AGBL4: variants seen among roughly 807,000 people sequenced by gnomAD.
The protein encoded by AGBL4 is cytosolic carboxypeptidase 6.
Under a neutral mutation model 66.4 loss-of-function variants are expected in AGBL4, and 58 were observed. That is an observed-to-expected ratio of 0.87 (90% CI 0.71 to 1.09). The LOEUF (loss-of-function observed/expected upper bound fraction) is 1.09. AGBL4 is among the 50% of genes least tolerant of loss of function. The probability of loss-of-function intolerance (pLI) is 0.00; values close to 1 mark genes in which losing one functional copy is unlikely to be tolerated. For synonymous variants in AGBL4, 234 were observed against 222.9 expected (o/e 1.05, Z -0.44); for missense variants, 579 against 631.0 (o/e 0.92, Z 0.88).
intron 5 of AGBL4, among the ~76,000 whole-genome samples, chr1:48,886,223 C>T (rs1019846109): frequency 1.3e-4 from 20 of 152,168 alleles, no homozygotes; most frequent in African/African-American, 3.9e-4. Context: ...ATTCTAAAGG[C>T]AGGGTCTTTC....
intron 5 of AGBL4, among the ~76,000 whole-genome samples, chr1:48,933,503 C>A (rs1166291786): frequency 6.6e-6 from 1 of 152,154 alleles, no homozygotes. Context: ...CTTGTGGAAA[C>A]ACATGGAATA....
chr1:49,868,537 G>C (rs1646762106), intron 1 of AGBL4, among the ~76,000 whole-genome samples: 1 of 152,166 alleles, frequency 6.6e-6, no homozygotes. Context: ...AATGGTGCTA[G>C]TAAAACTGGC....
chr1:48,597,809 AAG>A (rs150961154), intron 9 of AGBL4, among the ~76,000 whole-genome samples: 2,483 of 146,144 alleles, frequency 0.017, 20 homozygotes, highest in Middle Eastern at 0.042. Flanking sequence ...AAGAGAAAGA[AAG>A]AGAGAGAAAG....
At chr1:49,331,210 T>C (rs1047431470) in intron 3 of AGBL4, among the ~76,000 whole-genome samples, 14 of 151,944 alleles carry the variant, frequency 9.2e-5, no homozygotes, top group African/African-American at 3.1e-4. Flanking sequence ...GAAAGGTAAC[T>C]GCAACTCAGG....
intron 5 of AGBL4, among the ~76,000 whole-genome samples, chr1:48,943,692 G>C (rs1656207842): frequency 6.6e-6 from 1 of 152,136 alleles, no homozygotes; most frequent in African/African-American, 2.4e-5. Context: ...ATACAAGTAG[G>C]CAGCACCATG....
intron 4 of AGBL4, among the ~76,000 whole-genome samples, chr1:49,048,713 T>C (rs545328090): frequency 6.6e-6 from 1 of 152,250 alleles, no homozygotes; most frequent in Admixed American, 6.5e-5. Context: ...TTAAGTGTTT[T>C]ATATGCATTA....
intron 1 of AGBL4, among the ~76,000 whole-genome samples, chr1:49,948,564 AAT>A (rs71059566): frequency 0.038 from 2,448 of 64,508 alleles, 48 homozygotes; most frequent in Non-Finnish European, 0.055. Flanking sequence ...AATATATAAA[AAT>A]ATATATATAT....
intron 1 of AGBL4, among the ~76,000 whole-genome samples, chr1:50,020,360 A>T (rs1319491769): frequency 6.6e-6 from 1 of 152,166 alleles, no homozygotes; most frequent in Non-Finnish European, 1.5e-5. Context: ...GGACACTTCA[A>T]GTATATGATC....
At chr1:49,685,510 C>G (rs1646771768) in intron 3 of AGBL4, among the ~76,000 whole-genome samples, 1 of 152,174 alleles carries the variant, frequency 6.6e-6, no homozygotes. Context: ...CTAACTTACA[C>G]TCTCACCAGC....
chr1:49,502,598 T>G (rs964818133), intron 3 of AGBL4, among the ~76,000 whole-genome samples: 1 of 152,072 alleles, frequency 6.6e-6, no homozygotes, highest in Non-Finnish European at 1.5e-5. Flanking sequence ...TGGAACTTCC[T>G]AGAGAATTGT....
rs191216732 is a variant in AGBL4, at chr1:49,530,282, A to C, written c.282+167031T>G. Reference sequence around the variant, plus strand: ...TGTAAAAAAAAAAAAACAAAAAAAAACTCTATGAGTTTTTTTTTATTATTA... The same window carrying C: ...TGTAAAAAAAAAAAAACAAAAAAAACCTCTATGAGTTTTTTTTTATTATTA... On this transcript the variant is annotated intron_variant, in intron 3 of 13. Transcript: ENST00000371839. 1.0e-3 allele frequency among the ~76,000 whole-genome samples: 149 copies of C among 145,488 alleles called. 2 individuals carry two copies. In the East Asian group the frequency reaches 0.025, roughly 25 times the overall value.
At chr1:49,205,306 T>C (rs1648042898) in intron 4 of AGBL4, among the ~76,000 whole-genome samples, 1 of 152,090 alleles carries the variant, frequency 6.6e-6, no homozygotes, top group Non-Finnish European at 1.5e-5. Flanking sequence ...TTGCTCCTCT[T>C]CTTCATTGTT....
At chr1:49,491,649 A>C (rs554086928) in intron 3 of AGBL4, among the ~76,000 whole-genome samples, 2 of 152,048 alleles carry the variant, frequency 1.3e-5, no homozygotes, top group Admixed American at 1.3e-4. Flanking sequence ...CCTTCTCAGA[A>C]AAGGCTGGCT....
the AGBL4 span, among the ~76,000 whole-genome samples, chr1:48,526,298 C>T: frequency 6.6e-6 from 1 of 152,208 alleles, no homozygotes; most frequent in Non-Finnish European, 1.5e-5. Context: ...AGTCTGATGA[C>T]TCCCAGGCTC....
chr1:49,776,395 T>C (rs1463854562), intron 2 of AGBL4, among the ~76,000 whole-genome samples: 1 of 152,128 alleles, frequency 6.6e-6, no homozygotes, highest in African/African-American at 2.4e-5. Flanking sequence ...CTCCATCCTC[T>C]GTAGAACACT....
At chr1:48,578,873 AG>A (rs1329879947) in intron 11 of AGBL4, among the ~76,000 whole-genome samples, 2 of 152,078 alleles carry the variant, frequency 1.3e-5, no homozygotes, top group African/African-American at 4.8e-5. Context: ...CAGGGGCAAA[AG>A]GTCATACTGG....
At chr1:48,812,315 T>C (rs1646070446) in intron 6 of AGBL4, among the ~76,000 whole-genome samples, 1 of 152,078 alleles carries the variant, frequency 6.6e-6, no homozygotes, top group Admixed American at 6.6e-5. Flanking sequence ...TTTAGGTGAA[T>C]AGTCATTTTG....
chr1:49,668,255 A>C (rs1305091939), intron 3 of AGBL4, among the ~76,000 whole-genome samples: 1 of 152,140 alleles, frequency 6.6e-6, no homozygotes, highest in Non-Finnish European at 1.5e-5. Context: ...ACCAGAGAGG[A>C]CTATAAAATA....
intron 3 of AGBL4, among the ~76,000 whole-genome samples, chr1:49,694,633 C>G (rs938564892): frequency 6.6e-6 from 1 of 152,120 alleles, no homozygotes; most frequent in African/African-American, 2.4e-5. Context: ...AAGAGTAACC[C>G]TTTAAAAAAC....
Sources: gnomAD v4.1 joint callset for allele counts (sites outside exome capture counted in the v4.1 genomes callset) on GRCh38, gnomAD v4.1.1 for gene constraint, MANE v1.5 for transcripts, NCBI Gene and HGNC (gene_info 2026-07-23, HGNC 2026-07-21) for gene names.